Variants in TULP3 observed in about 807,000 individuals in gnomAD.
TULP3 encodes the protein tubby-related protein 3.
In TULP3, 38 loss-of-function variants were observed where a neutral mutation model predicts 50.7. The observed-to-expected ratio is 0.75, with a 90% CI of 0.58 to 0.98. TULP3 has a LOEUF of 0.98. Among genes scored for constraint, TULP3 ranks in the 50% least tolerant of loss-of-function variants. TULP3 has a pLI of 0.00. For missense variants in TULP3, 550 were observed against 568.0 expected (o/e 0.97, Z 0.32); for synonymous variants, 183 against 196.6 (o/e 0.93, Z 0.58).
At chr12:2,897,487 A>C (rs966836508) in intron 1 of TULP3, among the ~76,000 whole-genome samples, 2 of 152,148 alleles carry the variant, frequency 1.3e-5, no homozygotes, top group African/African-American at 4.8e-5. Context: ...AAATCTTCCC[A>C]GGCACAGTGG....
chr12:2,904,246 C>T (rs1235280419), intron 1 of TULP3, among the ~76,000 whole-genome samples: 7 of 152,162 alleles, frequency 4.6e-5, no homozygotes, highest in Admixed American at 3.9e-4. Context: ...AATAAAGGTT[C>T]ACCACATTGT....
At chr12:2,909,381 C>T in intron 1 of TULP3, 148 bp from the exon 2 acceptor site, 2 of 655,948 alleles carry the variant, frequency 3.0e-6, no homozygotes, top group Non-Finnish European at 5.0e-6. Flanking sequence ...CTCCTGTAGC[C>T]AGTGTGGGTA....
intron 2 of TULP3, among the ~76,000 whole-genome samples, chr12:2,917,508 C>T (rs1278329496): frequency 1.2e-4 from 18 of 151,426 alleles, no homozygotes; most frequent in Admixed American, 1.2e-3. Flanking sequence ...CTTGGACAAA[C>T]CTGATAACCC....
At chr12:2,921,451 T>C (rs1275958478) in intron 3 of TULP3, among the ~76,000 whole-genome samples, 1 of 152,160 alleles carries the variant, frequency 6.6e-6, no homozygotes, top group Non-Finnish European at 1.5e-5. Flanking sequence ...AGAACTGTTG[T>C]TTTCTAGATG....
At chr12:2,897,044 T>C (rs1278824226) in intron 1 of TULP3, among the ~76,000 whole-genome samples, 1 of 152,190 alleles carries the variant, frequency 6.6e-6, no homozygotes, top group African/African-American at 2.4e-5. Context: ...AGTCTCGCTC[T>C]GTCGCCTAGG....
At chr12:2,905,990 C>G (rs2098181967) in intron 1 of TULP3, among the ~76,000 whole-genome samples, 2 of 150,098 alleles carry the variant, frequency 1.3e-5, no homozygotes, top group Non-Finnish European at 1.5e-5. Flanking sequence ...CCACTGCACT[C>G]TAGCCCAGGC....
At chr12:2,934,408 A>G in intron 7 of TULP3, 39 bp from the exon 8 acceptor site, 4 of 1,379,238 alleles carry the variant, frequency 2.9e-6, no homozygotes, top group Non-Finnish European at 3.9e-6. Flanking sequence ...TAAGAAAAAA[A>G]ATACAGATCA....
intron 7 of TULP3, among the ~76,000 whole-genome samples, chr12:2,933,746 T>C (rs1591538077): frequency 6.6e-6 from 1 of 151,160 alleles, no homozygotes; most frequent in South Asian, 2.1e-4. Flanking sequence ...AAGTCAGGAG[T>C]TGGAGTCCAG....
intron 1 of TULP3, among the ~76,000 whole-genome samples, chr12:2,893,953 A>G (rs368017605): frequency 1.3e-5 from 2 of 151,964 alleles, no homozygotes; most frequent in Non-Finnish European, 1.5e-5. Flanking sequence ...CTATTTTCTT[A>G]TATCAGAAAT....
At position 2,899,913 on chromosome 12, in the gene TULP3, A is replaced by C. The variant is rs539216898; in HGVS notation, c.41+8925A>C. Among the ~76,000 whole-genome samples, 86 of 56,468 alleles carry C rather than the reference A, an allele frequency of 1.5e-3. 2 individuals carry two copies. The highest frequency in any genetic ancestry group is 0.019 in the Middle Eastern group (2 of 104). 37.0% of individuals were successfully genotyped at this position (56,468 alleles called of 152,430 possible). ...GTCTCAAAAAAAAAACAAACAAAAA[A>C]AAAAACAAAAAAAACTTGGAGACGG... On this transcript the variant is annotated intron_variant, in intron 1 of 10. Transcript: ENST00000448120.
intron 4 of TULP3, among the ~76,000 whole-genome samples, chr12:2,923,465 A>G (rs1465232405): frequency 6.6e-6 from 1 of 152,086 alleles, no homozygotes; most frequent in Non-Finnish European, 1.5e-5. Flanking sequence ...AGACCAGCAC[A>G]TGGTGAAACC....
chr12:2,938,016 T>TTA, intron 9 of TULP3, 98 bp from the exon 10 acceptor site: 10 of 1,370,428 alleles, frequency 7.3e-6, no homozygotes, highest in Non-Finnish European at 1.0e-5. Context: ...CGCTTCTGGT[T>TTA]TACCCTTTCT....
intron 1 of TULP3, among the ~76,000 whole-genome samples, chr12:2,904,165 G>A (rs2098180901): frequency 6.6e-6 from 1 of 152,094 alleles, no homozygotes; most frequent in Non-Finnish European, 1.5e-5. Context: ...CTGATTCACA[G>A]GCCTTATTTG....
chr12:2,914,071 G>A (rs540144484), intron 2 of TULP3, among the ~76,000 whole-genome samples: 1 of 150,976 alleles, frequency 6.6e-6, no homozygotes, highest in South Asian at 2.1e-4. Context: ...TCATTTCTTT[G>A]TGTTGGGAAC....
intron 4 of TULP3, among the ~76,000 whole-genome samples, chr12:2,923,147 C>A (rs114056597): frequency 0.027 from 4,084 of 152,074 alleles, 192 homozygotes; most frequent in African/African-American, 0.094. Flanking sequence ...GCGTGAGCCA[C>A]CACGCCCAGC....
rs771074689 is a variant in TULP3 at position 2,937,200 on chromosome 12, A to ATTTTTT, written c.925-405_925-400dup. On this transcript the variant is annotated intron_variant, in intron 8 of 10. Transcript: ENST00000448120. ...AATAAAATTATTTTTGGTACACCTGATTTTTTTTTTTTTTTTTTTTTTTTT... is the reference window on the plus strand; with the variant it reads ...AATAAAATTATTTTTGGTACACCTGATTTTTTTTTTTTTTTTTTTTTTTTTTTTTTT... 1.6e-3 allele frequency among the ~76,000 whole-genome samples: 85 copies of ATTTTTT among 54,464 alleles called. 17 individuals are homozygous for ATTTTTT. The highest frequency in any genetic ancestry group is 1.8e-3 in the Admixed American group (5 of 2,772). 35.7% of individuals were successfully genotyped at this position (54,464 alleles called of 152,430 possible). A position where few individuals can be genotyped will look rare whatever the true frequency, so the allele number is the denominator to read the frequency against.
At chr12:2,911,479 A>G (rs2098185486) in intron 2 of TULP3, among the ~76,000 whole-genome samples, 1 of 151,398 alleles carries the variant, frequency 6.6e-6, no homozygotes, top group African/African-American at 2.4e-5. Context: ...CAGCCTCCCA[A>G]GTAGCTAGGA....
chr12:2,893,716 GT>G (rs10713000), intron 1 of TULP3, among the ~76,000 whole-genome samples: 65,997 of 145,926 alleles, frequency 0.45, 14,854 homozygotes, highest in African/African-American at 0.54. Flanking sequence ...GGTTTTCTGT[GT>G]TTTTTTTTTT....
intron 1 of TULP3, among the ~76,000 whole-genome samples, chr12:2,901,935 A>G (rs1021173110): frequency 8.5e-5 from 13 of 152,214 alleles, no homozygotes; most frequent in African/African-American, 2.7e-4. Context: ...ATGTTAGTCA[A>G]TCTTCAAATA....
Sources: gnomAD v4.1 joint callset for allele counts (sites outside exome capture counted in the v4.1 genomes callset) on GRCh38, gnomAD v4.1.1 for gene constraint, MANE v1.5 for transcripts, NCBI Gene and HGNC (gene_info 2026-07-23, HGNC 2026-07-21) for gene names.